The following DGKD variants were observed in gnomAD, a reference collection of about 807,000 sequenced individuals.
The protein encoded by DGKD is DAG kinase delta.
Under a neutral mutation model 154.4 loss-of-function variants are expected in DGKD, and 68 were observed. The observed-to-expected ratio is 0.44, with a 90% confidence interval of 0.36 to 0.54. DGKD has a LOEUF of 0.54. DGKD is among the 20% of genes least tolerant of loss of function. The probability of loss-of-function intolerance (pLI) is 0.00; values close to 1 mark genes in which losing one functional copy is unlikely to be tolerated. For missense variants in DGKD, 1,343 were observed against 1,593.6 expected (o/e 0.84, Z 2.68); for synonymous variants, 693 against 638.0 (o/e 1.09, Z -1.30).
At position 233,467,154 on chromosome 2, in the gene DGKD, G is replaced by C; in HGVS notation, c.3375G>C (p.Lys1125Asn). The stretch of plus-strand genomic sequence containing the variant: ...TCCGCCTCGTGACCAAGTTTAAAAA[G>C]GAGAAAAACAACAAGAACAAAGAAG... ...GKFRLVTKFK[K>N]EKNNKNKEAH... is the part of the protein sequence containing the mutation. Residue 1125 changes from lysine to asparagine, a missense_variant, in exon 28 of 30, where the codon AAG (lysine) becomes AAC (asparagine). Transcript: ENST00000264057. 6.2e-7 allele frequency: 1 copy of C among 1,614,222 alleles called. No homozygotes were observed. The highest frequency in any genetic ancestry group is 8.5e-7 in the Non-Finnish European group (1 of 1,180,042).
chr2:233,468,701 C>T, intron 29 of DGKD, 148 bp downstream of exon 29: 4 of 1,273,616 alleles, frequency 3.1e-6, no homozygotes, highest in South Asian at 3.0e-5. Flanking sequence ...CGGCTGTGGC[C>T]CTCATCTAGG....
intron 24 of DGKD, among the ~76,000 whole-genome samples, 187 bp downstream of exon 24, chr2:233,460,532 C>T (rs556046515): frequency 3.5e-4 from 53 of 152,300 alleles, no homozygotes; most frequent in African/African-American, 1.2e-3. Flanking sequence ...TTTCAGAACT[C>T]GCCTGGAGTT....
At chr2:233,393,124 A>G (rs576626255) in intron 3 of DGKD, among the ~76,000 whole-genome samples, 171 of 152,036 alleles carry the variant, frequency 1.1e-3, no homozygotes, top group Non-Finnish European at 2.0e-3. Flanking sequence ...TCCTGTGTTC[A>G]AGCGATTCTT....
At chr2:233,417,324 C>T (rs1489144988) in intron 3 of DGKD, among the ~76,000 whole-genome samples, 1 of 152,208 alleles carries the variant, frequency 6.6e-6, no homozygotes, top group Non-Finnish European at 1.5e-5. Flanking sequence ...TGAGCCCCTG[C>T]GCCTAGCCCC....
chr2:233,435,994 TCCTCCCTGC>T, intron 6 of DGKD, 70 bp downstream of exon 6: 3 of 1,428,222 alleles, frequency 2.1e-6, no homozygotes, highest in Non-Finnish European at 1.9e-6. Context: ...CATGCAAGCC[TCCTCCCTGC>T]CCTCCCTGCC....
intron 1 of DGKD, among the ~76,000 whole-genome samples, chr2:233,373,054 G>C (rs1271347174): frequency 1.3e-5 from 2 of 152,178 alleles, no homozygotes; most frequent in African/African-American, 4.8e-5. Flanking sequence ...CGGGTCCCGT[G>C]CTGTGCTCTG....
intron 3 of DGKD, among the ~76,000 whole-genome samples, chr2:233,409,431 A>T (rs2061767252): frequency 6.6e-6 from 1 of 151,876 alleles, no homozygotes; most frequent in Admixed American, 6.6e-5. Flanking sequence ...CTAGGCAGTG[A>T]ATACTTTTTA....
intron 3 of DGKD, among the ~76,000 whole-genome samples, chr2:233,431,535 A>G (rs1406563979): frequency 5.3e-5 from 8 of 152,224 alleles, no homozygotes; most frequent in Non-Finnish European, 1.2e-4. Context: ...AATTCTCCTG[A>G]TGAAAAATTG....
intron 12 of DGKD, chr2:233,447,526 AT>A (rs986474193): frequency 1.5e-5 from 15 of 975,090 alleles, no homozygotes; most frequent in Middle Eastern, 5.2e-4. Context: ...TTAAAAAAAA[AT>A]TTTTTTTTTG....
intron 10 of DGKD, among the ~76,000 whole-genome samples, chr2:233,444,069 G>C (rs996368753): frequency 3.3e-5 from 5 of 152,148 alleles, no homozygotes; most frequent in Non-Finnish European, 7.4e-5. Flanking sequence ...GGCTTCTGCT[G>C]TCGTCTCTCT....
Position 233,448,172 on chromosome 2 carries a change from C to T in DGKD, c.1505C>T (p.Ser502Phe). 6.2e-7 allele frequency: 1 copy of T among 1,614,134 alleles called. No homozygotes were observed. Among genetic ancestry groups the T allele is most frequent in the Non-Finnish European group, 8.5e-7 (1 of 1,180,016 alleles). ...TCGGACCAGCACTCGGTGGTCATCT[C>T]CTCGGCCAAGTGAGTGCCTGGTGGC... Reference protein sequence around the residue: ...LTSDQHSVVISSAKVLCETVK... With the variant: ...LTSDQHSVVIFSAKVLCETVK... Residue 502 changes from serine to phenylalanine, a missense_variant, in exon 13 of 30, where the codon TCC (serine) becomes TTC (phenylalanine). By Grantham distance (155) the Ser-to-Phe change is radical. Around this residue, in one of 6 missense-constraint regions of DGKD, gnomAD observed 409 missense variants for 446.0 expected, o/e 0.92. Coordinates refer to ENST00000264057, the MANE Select transcript of DGKD (RefSeq NM_152879.3).
At chr2:233,420,240 G>A (rs562723229) in intron 3 of DGKD, among the ~76,000 whole-genome samples, 1 of 152,270 alleles carries the variant, frequency 6.6e-6, no homozygotes, top group South Asian at 2.1e-4. Flanking sequence ...ATGGTTTCAG[G>A]CTGACCTGTT....
chr2:233,414,991 G>A (rs1050102702), intron 3 of DGKD, among the ~76,000 whole-genome samples: 1 of 152,174 alleles, frequency 6.6e-6, no homozygotes, highest in African/African-American at 2.4e-5. Flanking sequence ...GGGTCTTGCT[G>A]TGTTGCCTGG....
chr2:233,361,641 A>G (rs1701786391), intron 1 of DGKD, among the ~76,000 whole-genome samples: 2 of 152,218 alleles, frequency 1.3e-5, no homozygotes, highest in Non-Finnish European at 2.9e-5. Context: ...AACTATGGAA[A>G]AGAACCAGAT....
At position 233,445,247 on chromosome 2, in the gene DGKD, CAG is replaced by C. The variant is rs772974106; in HGVS notation, c.1195-373_1195-372del. On this transcript the variant is annotated intron_variant, in intron 10 of 29. Transcript: ENST00000264057. This position sits in a 1 kb window ranked among gnomAD's most constrained non-coding sequence, Gnocchi z 5.5. ...GATGGAGGGACGGGTGGCGAGGCATCAGAGTGATTCCTTGGGGCTGTGGTCAC... is the reference window on the plus strand; with the variant it reads ...GATGGAGGGACGGGTGGCGAGGCATCAGTGATTCCTTGGGGCTGTGGTCAC... 1.3e-4 allele frequency among the ~76,000 whole-genome samples: 20 copies of C among 151,558 alleles called. No individual in the cohort carries two copies. Among genetic ancestry groups the C allele is most frequent in the Non-Finnish European group, 2.8e-4 (19 of 67,928 alleles).
chr2:233,434,229 C>A, intron 3 of DGKD, 151 bp from the exon 4 acceptor site: 1 of 582,534 alleles, frequency 1.7e-6, no homozygotes, highest in Non-Finnish European at 3.0e-6. Flanking sequence ...TTTAGTGATC[C>A]TTGATAACCA....
At chr2:233,379,046 C>T (rs1231103589) in intron 1 of DGKD, among the ~76,000 whole-genome samples, 1 of 152,206 alleles carries the variant, frequency 6.6e-6, no homozygotes, top group East Asian at 1.9e-4. Context: ...AAAAACAAAA[C>T]TTCCTGAGGC....
At position 233,459,663 on chromosome 2, in the gene DGKD, G is replaced by A. The variant is rs2063561038; in HGVS notation, c.2695-94G>A. 6 of 1,508,304 alleles carry A rather than the reference G, an allele frequency of 4.0e-6. No homozygotes were observed. The highest frequency in any genetic ancestry group is 1.4e-5 in the African/African-American group (1 of 72,696). 93.4% of individuals were successfully genotyped at this position (1,508,304 alleles called of 1,614,324 possible). A position where few individuals can be genotyped will look rare whatever the true frequency, so the allele number is the denominator to read the frequency against. ...GGTGTCCTGCAAGGCAGGGACGGGT[G>A]TGTGGAGCAGGAAGGTCATGGTGGT... On this transcript the variant is annotated intron_variant, in intron 22 of 29. Transcript: ENST00000264057. The surrounding 1 kb of genome is among the most constrained non-coding windows in gnomAD (Gnocchi z 5.7).
chr2:233,428,867 GTTT>G (rs10628027), intron 3 of DGKD, among the ~76,000 whole-genome samples: 1 of 145,426 alleles, frequency 6.9e-6, no homozygotes, highest in Non-Finnish European at 1.5e-5. Context: ...CAAATAAGAG[GTTT>G]TTTTTTGTTG....
Sources: allele counts gnomAD v4.1 joint callset (sites outside exome capture counted in the v4.1 genomes callset), GRCh38; gene constraint gnomAD v4.1.1; regional missense constraint gnomAD v4.1.1; non-coding constraint Gnocchi (gnomAD v3.1); transcripts MANE v1.5; gene names NCBI Gene and HGNC (gene_info 2026-07-23, HGNC 2026-07-21).